The following CCN3 variants were observed in gnomAD, a reference collection of about 807,000 sequenced individuals.
The protein encoded by CCN3 is CCN family member 3.
In CCN3, 20 loss-of-function variants were observed where a neutral mutation model predicts 33.4. The ratio of observed to expected loss-of-function variants is 0.60; its 90% CI spans 0.42 to 0.87. The LOEUF (loss-of-function observed/expected upper bound fraction) is 0.87. Ranked by LOEUF, CCN3 falls within the 40% of genes least tolerant of loss-of-function variation. CCN3 has a pLI of 0.00. For synonymous variants in CCN3, 205 were observed against 170.4 expected, an observed-to-expected ratio of 1.20 and a Z score of -1.58; for missense variants, 465 against 455.3, an observed-to-expected ratio of 1.02 and a Z score of -0.19.
chr8:119,417,087 T>C, intron 2 of CCN3, 118 bp downstream of exon 2: 1 of 856,642 alleles, frequency 1.2e-6, no homozygotes. Flanking sequence ...AATAATGCAA[T>C]AAATGACATG....
At chr8:119,422,192 A>G (rs77504886) in intron 4 of CCN3, among the ~76,000 whole-genome samples, 27,769 of 151,318 alleles carry the variant, frequency 0.18, 2,677 homozygotes, top group Non-Finnish European at 0.22. Context: ...GAAAGGCAGA[A>G]AGAGAGAGAG....
intron 4 of CCN3, among the ~76,000 whole-genome samples, chr8:119,421,943 C>A (rs938374173): frequency 2.0e-5 from 3 of 152,096 alleles, no homozygotes; most frequent in Non-Finnish European, 4.4e-5. Context: ...TAAAATAATG[C>A]CAGATTTATA....
chr8:119,417,416 C>T (rs1820066201), intron 2 of CCN3, among the ~76,000 whole-genome samples: 1 of 152,214 alleles, frequency 6.6e-6, no homozygotes, highest in Admixed American at 6.5e-5. Flanking sequence ...ACCAAAGCAG[C>T]TGCTAGTCTC....
At chr8:119,420,408 A>G (rs976858362) in intron 4 of CCN3, among the ~76,000 whole-genome samples, 2 of 152,232 alleles carry the variant, frequency 1.3e-5, no homozygotes, top group African/African-American at 4.8e-5. Context: ...ACCATTACTT[A>G]TGATTTCTAT....
At chr8:119,421,790 G>A (rs1394232955) in intron 4 of CCN3, among the ~76,000 whole-genome samples, 2 of 152,100 alleles carry the variant, frequency 1.3e-5, no homozygotes, top group African/African-American at 4.8e-5. Flanking sequence ...AATATTAGAT[G>A]TTTTCTGATC....
rs1820153445 is a variant in CCN3, at chr8:119,423,325, A to G, written c.*193A>G. ...AAATGTAATTAACTGTAAACTTGGA[A>G]TCAAGGTAAGCTCAGGATATGGCTT... On this transcript the variant is annotated 3_prime_UTR_variant, in exon 5 of 5. Coordinates refer to ENST00000259526, the MANE Select transcript of CCN3 (RefSeq NM_002514.4). 1 of 548,534 alleles carries G rather than the reference A, an allele frequency of 1.8e-6. No individual in the cohort carries two copies. Among genetic ancestry groups the G allele is most frequent in the African/African-American group, 1.9e-5 (1 of 53,622 alleles). 34.0% of individuals were successfully genotyped at this position (548,534 alleles called of 1,614,324 possible). A position where few individuals can be genotyped will look rare whatever the true frequency, so the allele number is the denominator to read the frequency against.
In CCN3 at chr8:119,417,037, C is replaced by T; in HGVS notation, c.310+68C>T. 4.6e-6 allele frequency: 6 copies of T among 1,317,518 alleles called. No homozygotes were observed. In the South Asian group the frequency reaches 6.8e-5, roughly 15 times the overall value. The allele number at this position is 1,317,518 out of a possible 1,614,324, so 81.6% of individuals were successfully genotyped here. On this transcript the variant is annotated intron_variant, in intron 2 of 4. Transcript: ENST00000259526. ...TAAGTGAAGCTGCTTCCTCCCTTCT[C>T]TTTTGTATTCCCCTTCCCAGAGGGC...
chr8:119,416,700 T>A lies in CCN3; in HGVS notation c.85-44T>A, dbSNP rs765187498. 6 of 1,578,622 alleles carry A rather than the reference T, an allele frequency of 3.8e-6. No individual in the cohort carries two copies. In the South Asian group the frequency reaches 4.6e-5, roughly 12 times the overall value. Reference sequence around the variant, plus strand: ...TTTGGTCACCGGGCTCACTGCGTCTTCTGTCCCAGCTGAGTGGTTTCTCCT... The same window carrying A: ...TTTGGTCACCGGGCTCACTGCGTCTACTGTCCCAGCTGAGTGGTTTCTCCT... On this transcript the variant is annotated intron_variant, in intron 1 of 4. Coordinates refer to ENST00000259526, the MANE Select transcript of CCN3 (RefSeq NM_002514.4).
intron 4 of CCN3, among the ~76,000 whole-genome samples, chr8:119,422,273 C>T (rs1563617579): frequency 6.6e-6 from 1 of 152,144 alleles, no homozygotes; most frequent in African/African-American, 2.4e-5. Context: ...ATCACGAGAA[C>T]AGCAAGGGAA....
At chr8:119,417,588 A>G (rs1820068969) in intron 2 of CCN3, among the ~76,000 whole-genome samples, 1 of 152,142 alleles carries the variant, frequency 6.6e-6, no homozygotes, top group African/African-American at 2.4e-5. Context: ...GAGGGCTTTT[A>G]CTTTTTTCTC....
intron 4 of CCN3, among the ~76,000 whole-genome samples, chr8:119,421,563 A>C (rs1466872337): frequency 6.6e-6 from 1 of 152,250 alleles, no homozygotes; most frequent in Non-Finnish European, 1.5e-5. Context: ...TGAACAGTGG[A>C]TAACTGTAGG....
In CCN3 at chr8:119,416,937, C is replaced by T. The variant is rs773413756; in HGVS notation, c.278C>T (p.Ala93Val). Reference protein sequence around the residue: ...ESSGLYCDRSADPSNQTGICT... With the variant: ...ESSGLYCDRSVDPSNQTGICT... ...AGTGGCCTCTACTGTGATCGCAGCG[C>T]GGACCCCAGCAACCAGACTGGCATC... Residue 93 changes from alanine to valine, a missense_variant, in exon 2 of 5, where the codon GCG becomes GTG. Transcript: ENST00000259526. 2.5e-6 allele frequency: 4 copies of T among 1,613,488 alleles called. No homozygotes were observed. The highest frequency in any genetic ancestry group is 2.5e-6 in the Non-Finnish European group (3 of 1,179,622).
At chr8:119,419,097 C>T in intron 3 of CCN3, 34 bp from the exon 4 acceptor site, 1 of 1,552,656 alleles carries the variant, frequency 6.4e-7, no homozygotes, top group Non-Finnish European at 8.9e-7. Flanking sequence ...CACATTGTAC[C>T]TAATATGGCT....
At chr8:119,421,208 A>G (rs1332611215) in intron 4 of CCN3, among the ~76,000 whole-genome samples, 1 of 151,778 alleles carries the variant, frequency 6.6e-6, no homozygotes, top group Non-Finnish European at 1.5e-5. Context: ...ACGGGGTTTC[A>G]CCATGTTAGC....
intron 4 of CCN3, among the ~76,000 whole-genome samples, chr8:119,421,706 T>C (rs904545102): frequency 1.3e-5 from 2 of 152,240 alleles, no homozygotes; most frequent in Non-Finnish European, 2.9e-5. Flanking sequence ...TTTGCCTCCA[T>C]GCAAATTCCA....
Position 119,416,517 on chromosome 8 carries a change from A to G in CCN3, c.-16A>G, listed in dbSNP as rs1411324597. 2 of 1,612,732 alleles carry G rather than the reference A, an allele frequency of 1.2e-6. No individual in the cohort carries two copies. The highest frequency in any genetic ancestry group is 8.5e-7 in the Non-Finnish European group (1 of 1,179,346). On this transcript the variant is annotated 5_prime_UTR_variant, in exon 1 of 5. Coordinates refer to ENST00000259526, the MANE Select transcript of CCN3 (RefSeq NM_002514.4). ...GAAAGTCTCGTTTGGTAAAAGCGAG[A>G]GGGGAAAGCCTGAGCATGCAGAGTG... is the stretch of plus-strand genomic sequence containing the variant.
At chr8:119,418,343 G>C (rs745375247) in intron 3 of CCN3, 34 bp downstream of exon 3, 2 of 1,604,794 alleles carry the variant, frequency 1.2e-6, no homozygotes, top group South Asian at 2.2e-5. Context: ...GCTGGTCATA[G>C]TAGAGGGTAA....
Position 119,418,184 on chromosome 8 carries a change from T to G in CCN3, c.437T>G (p.Leu146Arg), listed in dbSNP as rs766115014. The part of the protein sequence containing the change: ...GQIGCVPRCQ[L>R]DVLLPEPNCP... ...ATTGGCTGTGTGCCCCGCTGTCAGCTGGATGTGCTACTGCCTGAGCCTAAC... is the reference window on the plus strand; with the variant it reads ...ATTGGCTGTGTGCCCCGCTGTCAGCGGGATGTGCTACTGCCTGAGCCTAAC... The change falls in exon 3 of 5, where the codon CTG becomes CGG. Residue 146 changes from leucine to arginine, a missense_variant. By Grantham distance (102) the Leu-to-Arg change is moderately radical. Coordinates refer to ENST00000259526, the MANE Select transcript of CCN3 (RefSeq NM_002514.4). The G allele has an allele frequency of 8.1e-6, 13 of 1,614,090 alleles. No homozygotes were observed. Among genetic ancestry groups the G allele is most frequent in the Non-Finnish European group, 1.1e-5 (13 of 1,180,034 alleles).
At chr8:119,418,861 C>A (rs1820087790) in intron 3 of CCN3, among the ~76,000 whole-genome samples, 1 of 152,028 alleles carries the variant, frequency 6.6e-6, no homozygotes, top group East Asian at 1.9e-4. Flanking sequence ...TCTCAAGAGA[C>A]AATAGAGGAT....
Sources: gnomAD v4.1 joint callset for allele counts (sites outside exome capture counted in the v4.1 genomes callset) on GRCh38, gnomAD v4.1.1 for gene constraint, MANE v1.5 for transcripts, NCBI Gene and HGNC (gene_info 2026-07-23, HGNC 2026-07-21) for gene names.